HMGCLL1: variants seen among roughly 807,000 people sequenced by gnomAD.
HMGCLL1 encodes the protein 3-hydroxy-3-methylglutaryl-CoA lyase like 1.
A neutral mutation model predicts 39.1 loss-of-function variants in HMGCLL1; 36 were observed. The ratio of observed to expected loss-of-function variants is 0.92; its 90% CI spans 0.71 to 1.22. The LOEUF is 1.22. HMGCLL1 is among the 50% of genes most tolerant of loss of function. The pLI is 0.00. For synonymous variants in HMGCLL1, 149 were observed against 144.0 expected (o/e 1.03, Z -0.25); for missense variants, 451 against 416.5 (o/e 1.08, Z -0.72).
intron 7 of HMGCLL1, among the ~76,000 whole-genome samples, chr6:55,472,315 T>G (rs963461905): frequency 6.6e-6 from 1 of 151,648 alleles, no homozygotes; most frequent in African/African-American, 2.4e-5. Flanking sequence ...GCAACCAGTC[T>G]GGTGGCTGTG....
At chr6:55,650,110 T>TACACAC in the HMGCLL1 span, among the ~76,000 whole-genome samples, 1 of 74,526 alleles carries the variant, frequency 1.3e-5, no homozygotes, top group African/African-American at 6.6e-5. Context: ...TATATATATA[T>TACACAC]ATATATATAT....
chr6:55,602,582 G>A, the HMGCLL1 span, among the ~76,000 whole-genome samples: 4 of 151,950 alleles, frequency 2.6e-5, no homozygotes, highest in Non-Finnish European at 4.4e-5. Flanking sequence ...CATAGAATCT[G>A]TGAGAATTCT....
intron 7 of HMGCLL1, among the ~76,000 whole-genome samples, chr6:55,476,253 TTA>T (rs1765280542): frequency 6.6e-6 from 1 of 151,682 alleles, no homozygotes; most frequent in Admixed American, 6.6e-5. Flanking sequence ...CTTCATAGTG[TTA>T]TGTTACTTTC....
chr6:55,658,714 T>C, the HMGCLL1 span, among the ~76,000 whole-genome samples: 15 of 151,972 alleles, frequency 9.9e-5, no homozygotes, highest in African/African-American at 3.6e-4. Flanking sequence ...TGTTAGGTAT[T>C]GGGATATGTT....
At chr6:55,458,930 G>T (rs1460954281) in intron 7 of HMGCLL1, among the ~76,000 whole-genome samples, 1 of 152,084 alleles carries the variant, frequency 6.6e-6, no homozygotes, top group Admixed American at 6.6e-5. Context: ...GGTAATTTGG[G>T]TCACATGTAT....
chr6:55,460,911 C>A (rs772331649), intron 7 of HMGCLL1, among the ~76,000 whole-genome samples: 14 of 151,846 alleles, frequency 9.2e-5, no homozygotes, highest in Non-Finnish European at 1.5e-4. Context: ...ACACTAGCAA[C>A]AATGAAATAT....
At chr6:55,514,022 C>G (rs779832908) in intron 5 of HMGCLL1, 26 bp downstream of exon 5, 3 of 1,599,556 alleles carry the variant, frequency 1.9e-6, no homozygotes, top group East Asian at 4.5e-5. Flanking sequence ...ATTAACAAAA[C>G]AGAATTTGTG....
chr6:55,555,937 A>T (rs530237115), intron 1 of HMGCLL1, among the ~76,000 whole-genome samples: 1 of 152,100 alleles, frequency 6.6e-6, no homozygotes, highest in Non-Finnish European at 1.5e-5. Flanking sequence ...GGGCAGGATG[A>T]GGTAGAGTTG....
At chr6:55,564,619 T>C (rs1771124369) in intron 1 of HMGCLL1, among the ~76,000 whole-genome samples, 1 of 152,162 alleles carries the variant, frequency 6.6e-6, no homozygotes, top group Admixed American at 6.6e-5. Context: ...TCATTATGTA[T>C]GTGAATTTTA....
intron 1 of HMGCLL1, among the ~76,000 whole-genome samples, chr6:55,561,258 C>A (rs1294725876): frequency 2.0e-5 from 3 of 152,092 alleles, no homozygotes; most frequent in African/African-American, 7.2e-5. Flanking sequence ...CAAAAATCAT[C>A]TTTAAAACAT....
chr6:55,500,708 G>T, intron 5 of HMGCLL1, among the ~76,000 whole-genome samples: 1 of 151,928 alleles, frequency 6.6e-6, no homozygotes, highest in East Asian at 1.9e-4. Flanking sequence ...CTAAGTTTAT[G>T]CTTTAGATAA....
At chr6:55,481,133 C>T (rs1333326547) in intron 7 of HMGCLL1, among the ~76,000 whole-genome samples, 1 of 152,048 alleles carries the variant, frequency 6.6e-6, no homozygotes, top group Non-Finnish European at 1.5e-5. Context: ...AGAATCTCAA[C>T]AATTTGGAGG....
intron 3 of HMGCLL1, among the ~76,000 whole-genome samples, chr6:55,528,807 T>C (rs1768470566): frequency 6.6e-6 from 1 of 151,970 alleles, no homozygotes; most frequent in African/African-American, 2.4e-5. Context: ...TAAGGACCTC[T>C]GTACTGCCCT....
chr6:55,569,213 G>A (rs1193783469), intron 1 of HMGCLL1, among the ~76,000 whole-genome samples: 11 of 152,102 alleles, frequency 7.2e-5, no homozygotes, highest in African/African-American at 2.4e-4. Flanking sequence ...AGGATAGAAG[G>A]GAAGTCAAAA....
the HMGCLL1 span, among the ~76,000 whole-genome samples, chr6:55,623,203 T>C: frequency 6.6e-6 from 1 of 152,036 alleles, no homozygotes; most frequent in Non-Finnish European, 1.5e-5. Flanking sequence ...AAAAAACTTT[T>C]AATTTTGGTG....
rs947517673 is a variant in HMGCLL1 at position 55,478,772 on chromosome 6, T to C, written c.795+16647A>G. ...AAAGTTTGCATTTGTAGTGGACAGC[T>C]TGTTGATCTAATTACCAAACTAATT... On this transcript the variant is annotated intron_variant, in intron 7 of 8. Coordinates refer to ENST00000274901, the MANE Select transcript of HMGCLL1 (RefSeq NM_001042406.2). Among the ~76,000 whole-genome samples, 17 of 151,582 alleles carry C rather than the reference T, an allele frequency of 1.1e-4. 2 individuals are homozygous for C. The highest frequency in any genetic ancestry group is 4.1e-4 in the African/African-American group (17 of 41,058).
At chr6:55,631,384 A>G in the HMGCLL1 span, among the ~76,000 whole-genome samples, 33 of 152,190 alleles carry the variant, frequency 2.2e-4, no homozygotes, top group Admixed American at 2.0e-3. Flanking sequence ...CTGTTCAGCC[A>G]TCTTCTATAA....
the HMGCLL1 span, among the ~76,000 whole-genome samples, chr6:55,590,285 A>T: frequency 8.2e-6 from 1 of 121,866 alleles, no homozygotes; most frequent in African/African-American, 2.6e-5. Flanking sequence ...CAAACCTAAT[A>T]AAAAAAAAAT....
the HMGCLL1 span, among the ~76,000 whole-genome samples, chr6:55,633,321 G>T: frequency 4.0e-5 from 6 of 151,840 alleles, no homozygotes; most frequent in South Asian, 1.0e-3. Context: ...AGAAGAAGGG[G>T]TAGTCAAATA....
Sources: gnomAD v4.1 joint callset for allele counts (sites outside exome capture counted in the v4.1 genomes callset) on GRCh38, gnomAD v4.1.1 for gene constraint, MANE v1.5 for transcripts, NCBI Gene and HGNC (gene_info 2026-07-23, HGNC 2026-07-21) for gene names.